MGAT4C: variants seen among roughly 807,000 people sequenced by gnomAD.
The protein encoded by MGAT4C is MGAT4 family member C, also known as alpha-1,3-mannosyl-glycoprotein 4-beta-N-acetylglucosaminyltransferase C.
In MGAT4C, 19 loss-of-function variants were observed where a neutral mutation model predicts 40.1. That is an observed-to-expected ratio of 0.47 (90% confidence interval 0.33 to 0.70). The LOEUF (loss-of-function observed/expected upper bound fraction) is 0.70. MGAT4C is among the 30% of genes least tolerant of loss of function. MGAT4C has a pLI of 0.02. For missense variants in MGAT4C, 491 were observed against 563.2 expected (o/e 0.87, Z 1.30); for synonymous variants, 181 against 187.1 (o/e 0.97, Z 0.27).
chr12:86,699,206 T>G (rs1164807206), intron 2 of MGAT4C, among the ~76,000 whole-genome samples: 1 of 152,122 alleles, frequency 6.6e-6, no homozygotes, highest in Non-Finnish European at 1.5e-5. Flanking sequence ...ACTTCTAAAT[T>G]ACATATTTCT....
rs78493812 is a variant in MGAT4C at position 86,293,702 on chromosome 12, C to A, written c.-57+40363G>T. ...TCCAAATCTTATCTTGAATTGTAATCCCCACGTGTCAAGGGAGCACCCAGG... is the reference window on the plus strand; with the variant it reads ...TCCAAATCTTATCTTGAATTGTAATACCCACGTGTCAAGGGAGCACCCAGG... On this transcript the variant is annotated intron_variant, in intron 4 of 7. Coordinates refer to the MGAT4C transcript ENST00000548651. Among the ~76,000 whole-genome samples, 76 of 152,202 alleles carry A rather than the reference C, an allele frequency of 5.0e-4. No individual in the cohort carries two copies. The East Asian group carries it at 0.01, about 21-fold the overall frequency.
At chr12:86,191,169 T>C (rs1889408919) in intron 1 of MGAT4C, among the ~76,000 whole-genome samples, 1 of 144,078 alleles carries the variant, frequency 6.9e-6, no homozygotes, top group Non-Finnish European at 1.5e-5. Flanking sequence ...GAATGCTGAG[T>C]GATACAAATT....
chr12:86,232,583 G>T (rs1359228502), intron 1 of MGAT4C, among the ~76,000 whole-genome samples: 1 of 152,110 alleles, frequency 6.6e-6, no homozygotes, highest in Non-Finnish European at 1.5e-5. Context: ...TAACTCGGAG[G>T]GTTATGCTGT....
At chr12:86,633,923 T>C (rs1488615369) in intron 2 of MGAT4C, among the ~76,000 whole-genome samples, 2 of 152,034 alleles carry the variant, frequency 1.3e-5, no homozygotes, top group East Asian at 3.9e-4. Flanking sequence ...GTTTTTTTTT[T>C]ATTATCGCAA....
chr12:86,207,595 G>T (rs1352849191), intron 1 of MGAT4C, among the ~76,000 whole-genome samples: 2 of 151,778 alleles, frequency 1.3e-5, no homozygotes, highest in Non-Finnish European at 2.9e-5. Context: ...AAAACAGCAT[G>T]AACAAGAATA....
At chr12:86,594,340 G>A (rs1307003755) in intron 2 of MGAT4C, among the ~76,000 whole-genome samples, 2 of 152,002 alleles carry the variant, frequency 1.3e-5, no homozygotes, top group African/African-American at 4.8e-5. Context: ...ATCAATTTTA[G>A]TATATTTAAA....
At chr12:86,483,895 A>G (rs563110299) in intron 2 of MGAT4C, among the ~76,000 whole-genome samples, 22 of 149,684 alleles carry the variant, frequency 1.5e-4, no homozygotes, top group Admixed American at 2.0e-4. Context: ...TATCAAGTAC[A>G]CCAACATATT....
intron 2 of MGAT4C, among the ~76,000 whole-genome samples, chr12:86,483,078 G>A (rs914044774): frequency 2.6e-5 from 4 of 152,150 alleles, no homozygotes; most frequent in Non-Finnish European, 5.9e-5. Flanking sequence ...CAGTTTTGAC[G>A]TCTGAGAAGT....
chr12:86,303,330 A>G (rs1404962424), intron 4 of MGAT4C, among the ~76,000 whole-genome samples: 2 of 150,798 alleles, frequency 1.3e-5, no homozygotes, highest in Non-Finnish European at 2.9e-5. Flanking sequence ...AATACAAAAC[A>G]TAGAATCTAA....
At chr12:86,591,249 A>G (rs1403361095) in intron 2 of MGAT4C, among the ~76,000 whole-genome samples, 1 of 152,048 alleles carries the variant, frequency 6.6e-6, no homozygotes, top group Non-Finnish European at 1.5e-5. Context: ...TTAAGATCAA[A>G]TAGGACTTGA....
At chr12:86,079,788 T>C (rs545044922) in intron 1 of MGAT4C, among the ~76,000 whole-genome samples, 59 of 151,700 alleles carry the variant, frequency 3.9e-4, no homozygotes, top group Non-Finnish European at 6.5e-4. Context: ...TATATACAAA[T>C]ACAAACATAT....
intron 2 of MGAT4C, among the ~76,000 whole-genome samples, chr12:86,536,534 G>C (rs1959071638): frequency 6.6e-6 from 1 of 152,112 alleles, no homozygotes; most frequent in Non-Finnish European, 1.5e-5. Flanking sequence ...CAGAAGTCAT[G>C]AATAATTTAT....
Position 86,528,088 on chromosome 12 carries a change from A to G in MGAT4C, c.-228-92823T>C, listed in dbSNP as rs189139144. 3.1e-3 allele frequency among the ~76,000 whole-genome samples: 479 copies of G among 152,302 alleles called. 4 individuals are homozygous for G. The highest frequency in any genetic ancestry group is 4.6e-3 in the Non-Finnish European group (316 of 67,968). On this transcript the variant is annotated intron_variant, in intron 2 of 7. Transcript: ENST00000548651. Reference sequence around the variant, plus strand: ...TTCATTAAAGCTGATTAAAGATAACATGATCTCACATAATATAATTTCATT... The same window carrying G: ...TTCATTAAAGCTGATTAAAGATAACGTGATCTCACATAATATAATTTCATT...
chr12:86,354,850 C>G (rs1050810620), intron 3 of MGAT4C, among the ~76,000 whole-genome samples: 7 of 152,166 alleles, frequency 4.6e-5, no homozygotes, highest in African/African-American at 1.4e-4. Flanking sequence ...GTGAGTGTTA[C>G]AGCTCTTAAA....
At chr12:86,049,370 A>C (rs905814931) in intron 2 of MGAT4C, among the ~76,000 whole-genome samples, 3 of 151,868 alleles carry the variant, frequency 2.0e-5, no homozygotes, top group Admixed American at 6.6e-5. Context: ...TAATTGTATT[A>C]GTTGTATTAG....
chr12:86,779,420 C>T (rs1052831304), intron 1 of MGAT4C, among the ~76,000 whole-genome samples: 2 of 151,554 alleles, frequency 1.3e-5, no homozygotes, highest in African/African-American at 4.9e-5. Context: ...CATAGCGAGA[C>T]CCCATCTCTA....
rs147796264 is a variant in MGAT4C at position 86,060,897 on chromosome 12, G to A, written c.-56-11174C>T. On this transcript the variant is annotated intron_variant, in intron 1 of 4. Transcript: ENST00000611864. ...GAAAATTCCATTCTGGAAACTAATA[G>A]GGGAAATTTCATATGCTTCTTGGGG... is the stretch of plus-strand genomic sequence containing the variant. Among the ~76,000 whole-genome samples, 545 of 152,184 alleles carry A rather than the reference G, an allele frequency of 3.6e-3. 3 individuals carry two copies. Among genetic ancestry groups the A allele is most frequent in the African/African-American group, 0.013 (520 of 41,524 alleles).
chr12:86,076,455 G>T (rs1007718530), intron 1 of MGAT4C, among the ~76,000 whole-genome samples: 1 of 152,060 alleles, frequency 6.6e-6, no homozygotes, highest in African/African-American at 2.4e-5. Flanking sequence ...ACAGTTTCAG[G>T]TATCTTTTCA....
At chr12:86,104,804 C>T (rs965897041) in intron 1 of MGAT4C, among the ~76,000 whole-genome samples, 2 of 152,154 alleles carry the variant, frequency 1.3e-5, no homozygotes, top group African/African-American at 4.8e-5. Flanking sequence ...ATTTTATACA[C>T]GTTAGTTATC....
Sources: gnomAD v4.1 joint callset for allele counts (sites outside exome capture counted in the v4.1 genomes callset) on GRCh38, gnomAD v4.1.1 for gene constraint, MANE v1.5 for transcripts, NCBI Gene and HGNC (gene_info 2026-07-23, HGNC 2026-07-21) for gene names.